PAG1: variants seen among roughly 807,000 people sequenced by gnomAD.
The protein encoded by PAG1 is phosphoprotein membrane anchor with glycosphingolipid microdomains 1.
Under a neutral mutation model 31.7 loss-of-function variants are expected in PAG1, and 23 were observed. The observed-to-expected ratio is 0.73, with a 90% CI of 0.52 to 1.03. The LOEUF (loss-of-function observed/expected upper bound fraction) is 1.03, where lower values mean the gene tolerates loss of function less well. Among genes scored for constraint, PAG1 ranks in the 50% least tolerant of loss-of-function variants. The probability of loss-of-function intolerance (pLI) is 0.00; values close to 1 mark genes in which losing one functional copy is unlikely to be tolerated. For synonymous variants in PAG1, 214 were observed against 210.3 expected, an observed-to-expected ratio of 1.02 and a Z score of -0.15; for missense variants, 473 against 540.7, an observed-to-expected ratio of 0.87 and a Z score of 1.24.
At chr8:80,981,154 A>G (rs1284123698) in intron 7 of PAG1, among the ~76,000 whole-genome samples, 1 of 151,800 alleles carries the variant, frequency 6.6e-6, no homozygotes, top group Non-Finnish European at 1.5e-5. Flanking sequence ...CAGCACCCTC[A>G]TGGCTGCACC....
At chr8:81,024,264 T>C (rs1808236363) in intron 3 of PAG1, among the ~76,000 whole-genome samples, 1 of 152,178 alleles carries the variant, frequency 6.6e-6, no homozygotes, top group African/African-American at 2.4e-5. Context: ...AAAAGGCTGT[T>C]GGAAACCCCG....
chr8:81,096,256 G>T (rs139850641), intron 1 of PAG1, among the ~76,000 whole-genome samples: 1 of 152,150 alleles, frequency 6.6e-6, no homozygotes, highest in Admixed American at 6.5e-5. Flanking sequence ...CTGTAGAGCC[G>T]TGGGGAACAG....
chr8:81,099,126 G>A (rs540669778), intron 1 of PAG1, among the ~76,000 whole-genome samples: 3 of 152,208 alleles, frequency 2.0e-5, no homozygotes, highest in South Asian at 2.1e-4. Flanking sequence ...TCCCATGGGG[G>A]TATTACATTA....
rs1807159994 is a variant in PAG1 at position 80,975,473 on chromosome 8, A to C, written c.*1071T>G. The C allele has an allele frequency of 6.6e-6, 1 of 152,254 alleles. No homozygotes were observed. The highest frequency in any genetic ancestry group is 2.4e-5 in the African/African-American group (1 of 41,464). The allele number at this position is 152,254 out of a possible 1,614,324, so 9.4% of individuals were successfully genotyped here. On this transcript the variant is annotated 3_prime_UTR_variant, in exon 9 of 9. Transcript: ENST00000220597. ...TTAGGCATTGAACATAAAACATCTT[A>C]TAAACTTACATAACAAAAATAAATG...
chr8:81,049,229 C>G (rs919579160), intron 2 of PAG1, among the ~76,000 whole-genome samples: 7 of 152,200 alleles, frequency 4.6e-5, no homozygotes, highest in African/African-American at 1.7e-4. Context: ...CACAACATAT[C>G]TAAAAGTGAA....
At chr8:81,103,803 T>G (rs1041425815) in intron 1 of PAG1, among the ~76,000 whole-genome samples, 1 of 152,178 alleles carries the variant, frequency 6.6e-6, no homozygotes, top group Non-Finnish European at 1.5e-5. Context: ...ATTTATCACC[T>G]TCTCTTTCAG....
At chr8:81,019,103 T>C (rs2130721991) in intron 3 of PAG1, among the ~76,000 whole-genome samples, 1 of 152,358 alleles carries the variant, frequency 6.6e-6, no homozygotes, top group African/African-American at 2.4e-5. Context: ...GGCAGCATTG[T>C]GCCCTTGCCC....
At chr8:81,062,994 G>C (rs985964290) in intron 2 of PAG1, among the ~76,000 whole-genome samples, 9 of 152,138 alleles carry the variant, frequency 5.9e-5, no homozygotes, top group African/African-American at 2.2e-4. Flanking sequence ...ACTAAATAAA[G>C]GGAGAAAGGG....
At chr8:81,107,197 G>A (rs148823213) in intron 1 of PAG1, among the ~76,000 whole-genome samples, 226 of 152,094 alleles carry the variant, frequency 1.5e-3, no homozygotes, top group African/African-American at 5.1e-3. Flanking sequence ...AGCTCATTGC[G>A]TGAACTAAGC....
Position 81,046,055 on chromosome 8 carries a change from G to A in PAG1, c.-174-15966C>T, listed in dbSNP as rs143628271. ...GTGTCATCAGGGATACTCTTAAGTC[G>A]GTAAATATTAGAGCCGGGAAGGAAC... On this transcript the variant is annotated intron_variant, in intron 2 of 8. Transcript: ENST00000220597. Among the ~76,000 whole-genome samples the A allele has an allele frequency of 3.5e-3, 531 of 152,050 alleles. 3 individuals carry two copies. Among genetic ancestry groups the A allele is most frequent in the African/African-American group, 0.012 (501 of 41,476 alleles).
intron 1 of PAG1, among the ~76,000 whole-genome samples, chr8:81,082,670 T>C (rs1367368675): frequency 1.3e-5 from 2 of 152,232 alleles, no homozygotes; most frequent in African/African-American, 4.8e-5. Context: ...CCCTGTCCCC[T>C]GCATTCTGTT....
At chr8:80,989,351 C>T (rs1014775133) in intron 5 of PAG1, among the ~76,000 whole-genome samples, 14 of 152,134 alleles carry the variant, frequency 9.2e-5, no homozygotes, top group African/African-American at 3.4e-4. Flanking sequence ...ACAGCATAAT[C>T]GATCACAGCT....
At chr8:81,093,633 C>T (rs1809482380) in intron 1 of PAG1, among the ~76,000 whole-genome samples, 1 of 151,790 alleles carries the variant, frequency 6.6e-6, no homozygotes, top group African/African-American at 2.4e-5. Flanking sequence ...CCAGATGTGG[C>T]CCTGAGCCCA....
At chr8:81,005,315 T>G (rs1011647692) in intron 3 of PAG1, among the ~76,000 whole-genome samples, 2 of 152,212 alleles carry the variant, frequency 1.3e-5, no homozygotes, top group African/African-American at 2.4e-5. Context: ...TATGTATGTA[T>G]GTATTTATAT....
intron 2 of PAG1, among the ~76,000 whole-genome samples, chr8:81,060,902 G>T (rs979459579): frequency 1.3e-5 from 2 of 152,200 alleles, no homozygotes; most frequent in Admixed American, 1.3e-4. Context: ...ACATTTGCTT[G>T]TGTTAACCTG....
At chr8:81,086,006 G>T (rs1198494728) in intron 1 of PAG1, among the ~76,000 whole-genome samples, 83 of 90,614 alleles carry the variant, frequency 9.2e-4, no homozygotes, top group South Asian at 2.5e-3. Context: ...TTTTGAGACG[G>T]AGTCTCGCTC....
intron 3 of PAG1, among the ~76,000 whole-genome samples, chr8:81,020,953 G>A (rs910676692): frequency 6.6e-6 from 1 of 152,152 alleles, no homozygotes; most frequent in Non-Finnish European, 1.5e-5. Context: ...TCACAGATAC[G>A]AAAAATGACA....
At chr8:81,055,074 TC>T (rs1808794293) in intron 2 of PAG1, among the ~76,000 whole-genome samples, 3 of 145,450 alleles carry the variant, frequency 2.1e-5, no homozygotes, top group Non-Finnish European at 4.4e-5. Context: ...TCTTTTTTTT[TC>T]TTTTTTTTTT....
rs936297363 is a variant in PAG1, at chr8:80,976,286, TGGTGAGGGTGCAGCAGGGAGATGTGCTTG to T, written c.*229_*257del. On this transcript the variant is annotated 3_prime_UTR_variant, in exon 9 of 9. Coordinates refer to ENST00000220597, the MANE Select transcript of PAG1 (RefSeq NM_018440.4). ...ACTGACAGCTGGGATCTTTTGTGGG[TGGTGAGGGTGCAGCAGGGAGATGTGCTTG>T]GGTGTACCTGTCCATCTGGCAGGCA... The T allele has an allele frequency of 4.9e-6, 2 of 404,886 alleles. No individual in the cohort carries two copies. The highest frequency in any genetic ancestry group is 8.4e-5 in the Admixed American group (2 of 23,794). The allele number at this position is 404,886 out of a possible 1,614,324, so 25.1% of individuals were successfully genotyped here.
Sources: gnomAD v4.1 joint callset for allele counts (sites outside exome capture counted in the v4.1 genomes callset) on GRCh38, gnomAD v4.1.1 for gene constraint, MANE v1.5 for transcripts, NCBI Gene and HGNC (gene_info 2026-07-23, HGNC 2026-07-21) for gene names.